The following SYN2 variants were observed in gnomAD, a reference collection of about 807,000 sequenced individuals.
SYN2 encodes the protein synapsin-2.
In SYN2, 19 loss-of-function variants were observed where a neutral mutation model predicts 50.9. The ratio of observed to expected loss-of-function variants is 0.37; its 90% CI spans 0.26 to 0.55. The LOEUF (loss-of-function observed/expected upper bound fraction) is 0.55. Among genes scored for constraint, SYN2 ranks in the 20% least tolerant of loss-of-function variants. SYN2 has a pLI of 0.81. For synonymous variants in SYN2, 255 were observed against 224.9 expected, an observed-to-expected ratio of 1.13 and a Z score of -1.20; for missense variants, 587 against 576.4, an observed-to-expected ratio of 1.02 and a Z score of -0.19.
At chr3:12,021,370 T>C (rs1326868945) in intron 1 of SYN2, among the ~76,000 whole-genome samples, 2 of 152,240 alleles carry the variant, frequency 1.3e-5, no homozygotes, top group South Asian at 2.1e-4. Context: ...TTGCAGCACA[T>C]GGTATTATCT....
chr3:12,053,407 C>T (rs568270818), intron 1 of SYN2, among the ~76,000 whole-genome samples: 15 of 151,926 alleles, frequency 9.9e-5, no homozygotes, highest in East Asian at 1.9e-4. Flanking sequence ...GGCAACAGTG[C>T]GAGACTTTGT....
At chr3:12,015,706 A>G (rs975879096) in intron 1 of SYN2, among the ~76,000 whole-genome samples, 4 of 152,068 alleles carry the variant, frequency 2.6e-5, no homozygotes, top group African/African-American at 9.7e-5. Context: ...ATGTTCCTAA[A>G]CACCCCATGC....
At chr3:12,022,276 T>A (rs1406912737) in intron 1 of SYN2, among the ~76,000 whole-genome samples, 3 of 152,166 alleles carry the variant, frequency 2.0e-5, no homozygotes, top group Admixed American at 6.5e-5. Context: ...GGACACTGGA[T>A]AGTCTCCTCC....
chr3:12,104,982 G>A (rs1696155014), intron 1 of SYN2, among the ~76,000 whole-genome samples: 1 of 152,188 alleles, frequency 6.6e-6, no homozygotes, highest in African/African-American at 2.4e-5. Flanking sequence ...TTGAGCATTA[G>A]TAGCGCTAAG....
chr3:12,019,508 C>T (rs1186188497), intron 1 of SYN2, among the ~76,000 whole-genome samples: 2 of 152,136 alleles, frequency 1.3e-5, no homozygotes, highest in Non-Finnish European at 2.9e-5. Context: ...TGCCACCCAC[C>T]TACATGAAAA....
intron 10 of SYN2, among the ~76,000 whole-genome samples, chr3:12,177,427 C>G (rs1302937079): frequency 6.6e-6 from 1 of 152,124 alleles, no homozygotes; most frequent in Non-Finnish European, 1.5e-5. Flanking sequence ...CACCCGTGTT[C>G]TAAAATATGA....
chr3:12,132,380 C>G (rs1336556482), intron 1 of SYN2, among the ~76,000 whole-genome samples: 1 of 152,186 alleles, frequency 6.6e-6, no homozygotes, highest in East Asian at 1.9e-4. Flanking sequence ...TACCTTTAAG[C>G]AAGTCAGTTA....
chr3:12,152,785 T>C (rs759670209), intron 5 of SYN2, among the ~76,000 whole-genome samples: 2 of 152,190 alleles, frequency 1.3e-5, no homozygotes, highest in Non-Finnish European at 2.9e-5. Context: ...AGAAGCCTTA[T>C]GGACATCAGT....
chr3:12,128,356 C>T (rs2125207376), intron 1 of SYN2, among the ~76,000 whole-genome samples: 1 of 152,208 alleles, frequency 6.6e-6, no homozygotes, highest in South Asian at 2.1e-4. Context: ...TGTTGAATTC[C>T]AGTCTTCTTC....
At position 12,072,412 on chromosome 3, in the gene SYN2, A is replaced by G. The variant is rs139991607; in HGVS notation, c.377+67484A>G. Among the ~76,000 whole-genome samples, 17 of 152,280 alleles carry G rather than the reference A, an allele frequency of 1.1e-4. No individual in the cohort carries two copies. In the East Asian group the frequency reaches 3.3e-3, roughly 29 times the overall value. On this transcript the variant is annotated intron_variant, in intron 1 of 12. Coordinates refer to ENST00000621198, the MANE Select transcript of SYN2 (RefSeq NM_133625.6). ...ATCTGTTATCTAGTCCGAAGTCACAAAGATTTATGGCTATATTTTCTTTTC... is the reference window on the plus strand; with the variant it reads ...ATCTGTTATCTAGTCCGAAGTCACAGAGATTTATGGCTATATTTTCTTTTC...
chr3:12,140,630 TG>T lies in SYN2; in HGVS notation c.378-18del. 1 of 746,440 alleles carries T rather than the reference TG, an allele frequency of 1.3e-6. No individual in the cohort carries two copies. The highest frequency in any genetic ancestry group is 1.4e-5 in the South Asian group (1 of 69,732). The allele number at this position is 746,440 out of a possible 1,614,324, so 46.2% of individuals were successfully genotyped here. On this transcript the variant is annotated intron_variant, in intron 1 of 12. Coordinates refer to ENST00000621198, the MANE Select transcript of SYN2 (RefSeq NM_133625.6). The stretch of plus-strand genomic sequence containing the variant: ...AATACTTGCACAAAACTAATTTGTG[TG>T]GGTTTATTCTTTTCTCCAGGGCCAA...
chr3:12,141,860 G>C, intron 2 of SYN2, 45 bp from the exon 3 acceptor site: 1 of 779,742 alleles, frequency 1.3e-6, no homozygotes, highest in South Asian at 1.3e-5. Flanking sequence ...AGAGGACTTG[G>C]TGAAGTCAGG....
chr3:12,029,224 C>T (rs962811424), intron 1 of SYN2, among the ~76,000 whole-genome samples: 2 of 131,842 alleles, frequency 1.5e-5, no homozygotes, highest in African/African-American at 7.3e-5. Context: ...CTGTTCTGTT[C>T]CATTCATCTA....
intron 1 of SYN2, among the ~76,000 whole-genome samples, chr3:12,094,196 A>C (rs1695883150): frequency 6.6e-6 from 1 of 152,096 alleles, no homozygotes; most frequent in South Asian, 2.1e-4. Context: ...TAATATTATT[A>C]ATCTGTTTTG....
At chr3:12,183,553 A>G (rs946335825) in intron 11 of SYN2, 181 bp downstream of exon 11, 13 of 1,524,850 alleles carry the variant, frequency 8.5e-6, no homozygotes, top group African/African-American at 8.4e-5. Context: ...CGTTCTTTCA[A>G]TGCTGACTGG....
Position 12,126,071 on chromosome 3 carries a change from C to T in SYN2, c.378-14580C>T, listed in dbSNP as rs187096411. Among the ~76,000 whole-genome samples the T allele has an allele frequency of 1.6e-4, 24 of 152,306 alleles. No individual in the cohort carries two copies. In the East Asian group the frequency reaches 4.6e-3, roughly 29 times the overall value. On this transcript the variant is annotated intron_variant, in intron 1 of 12. Transcript: ENST00000621198. ...TTGTTTACACATAAGGGGAAAGCTA[C>T]TCTTGGCCTCAGGCTTTTAGCTGTA...
chr3:12,008,704 A>T (rs189121449), intron 1 of SYN2, among the ~76,000 whole-genome samples: 1 of 152,246 alleles, frequency 6.6e-6, no homozygotes, highest in African/African-American at 2.4e-5. Flanking sequence ...TTTACTCTTT[A>T]CATAGCAGTG....
chr3:12,157,107 AC>A (rs60422800), intron 5 of SYN2, among the ~76,000 whole-genome samples: 6 of 152,108 alleles, frequency 3.9e-5, no homozygotes, highest in Non-Finnish European at 7.4e-5. Context: ...CAAAACAACA[AC>A]AACAAAAAAC....
chr3:12,089,540 C>T (rs1289328998), intron 1 of SYN2, among the ~76,000 whole-genome samples: 1 of 152,156 alleles, frequency 6.6e-6, no homozygotes, highest in Non-Finnish European at 1.5e-5. Flanking sequence ...CTGGGTACAG[C>T]AGCATGTGCC....
Sources: allele counts gnomAD v4.1 joint callset (sites outside exome capture counted in the v4.1 genomes callset), GRCh38; gene constraint gnomAD v4.1.1; transcripts MANE v1.5; gene names NCBI Gene and HGNC (gene_info 2026-07-23, HGNC 2026-07-21).